Variants in FSHR observed in about 807,000 individuals in gnomAD.
The protein encoded by FSHR is follicle stimulating hormone receptor, also known as follicle-stimulating hormone receptor.
In FSHR, 46 loss-of-function variants were observed where a neutral mutation model predicts 52.1. That is an observed-to-expected ratio of 0.88 (90% CI 0.70 to 1.13). The LOEUF (loss-of-function observed/expected upper bound fraction) is 1.13, where lower values mean the gene tolerates loss of function less well. Ranked by LOEUF, FSHR falls within the 50% of genes most tolerant of loss-of-function variation. The probability of loss-of-function intolerance (pLI) is 0.00; values close to 1 mark genes in which losing one functional copy is unlikely to be tolerated. For synonymous variants in FSHR, 399 were observed against 309.6 expected (o/e 1.29, Z -3.03); for missense variants, 964 against 834.6 (o/e 1.16, Z -1.91).
intron 9 of FSHR, among the ~76,000 whole-genome samples, chr2:48,965,509 G>T (rs1010755502): frequency 6.6e-6 from 1 of 152,204 alleles, no homozygotes; most frequent in Non-Finnish European, 1.5e-5. Context: ...GTATAGAGGG[G>T]AGAAGAGGGG....
chr2:49,068,850 C>T (rs1368634760), intron 1 of FSHR, among the ~76,000 whole-genome samples: 1 of 152,070 alleles, frequency 6.6e-6, no homozygotes, highest in African/African-American at 2.4e-5. Context: ...CTCCAATATA[C>T]ACTAGGTCTG....
intron 1 of FSHR, among the ~76,000 whole-genome samples, chr2:49,092,263 T>C (rs11689334): frequency 0.15 from 22,204 of 152,208 alleles, 1,653 homozygotes; most frequent in East Asian, 0.24. Flanking sequence ...TAAGAGCGTT[T>C]TTTTGGAGAC....
At chr2:49,036,268 G>A (rs527738567) in intron 2 of FSHR, among the ~76,000 whole-genome samples, 24 of 151,922 alleles carry the variant, frequency 1.6e-4, no homozygotes, top group African/African-American at 5.6e-4. Context: ...TCCTCTTTTG[G>A]GGTCTGAAAT....
intron 6 of FSHR, among the ~76,000 whole-genome samples, chr2:48,985,104 AGATGATGACGATGATGAC>A (rs3082692): frequency 2.0e-5 from 3 of 150,966 alleles, no homozygotes; most frequent in Non-Finnish European, 3.0e-5. Context: ...TTTGAAAACC[AGATGATGACGATGATGAC>A]GATGATGACG....
chr2:49,124,687 C>T (rs1671939613), intron 1 of FSHR, among the ~76,000 whole-genome samples: 2 of 152,204 alleles, frequency 1.3e-5, no homozygotes, highest in Non-Finnish European at 2.9e-5. Flanking sequence ...CCCTTCTCAT[C>T]ACCTTCTCTG....
chr2:49,055,085 TAAGG>T (rs1558414041), intron 2 of FSHR, among the ~76,000 whole-genome samples: 1 of 151,668 alleles, frequency 6.6e-6, no homozygotes, highest in Non-Finnish European at 1.5e-5. Context: ...AAATAATAAT[TAAGG>T]AAACTCAGTG....
chr2:49,095,699 A>G (rs1214365855), intron 1 of FSHR, among the ~76,000 whole-genome samples: 1 of 152,176 alleles, frequency 6.6e-6, no homozygotes, highest in East Asian at 1.9e-4. Context: ...CCACAAAATA[A>G]AATATTTGCA....
intron 4 of FSHR, chr2:48,997,439 C>T (rs72825283): frequency 0.016 from 14,912 of 961,340 alleles, 145 homozygotes; most frequent in Non-Finnish European, 0.017. Flanking sequence ...AGATTCTGTT[C>T]GGACCTAGCA....
rs560931582 is a variant in FSHR, at chr2:49,076,227, G to C, written c.153-7937C>G. 3.3e-5 allele frequency among the ~76,000 whole-genome samples: 5 copies of C among 152,250 alleles called. No homozygotes were observed. In the East Asian group the frequency reaches 9.7e-4, roughly 29 times the overall value. On this transcript the variant is annotated intron_variant, in intron 1 of 9. Coordinates refer to ENST00000406846, the MANE Select transcript of FSHR (RefSeq NM_000145.4). Reference sequence around the variant, plus strand: ...TGCTGATAAAGACATACTCAAGACTGGGCAAATTACAAAAGAAAGAGGTTT... The same window carrying C: ...TGCTGATAAAGACATACTCAAGACTCGGCAAATTACAAAAGAAAGAGGTTT...
intron 1 of FSHR, among the ~76,000 whole-genome samples, chr2:49,141,646 AC>A (rs1354479281): frequency 6.6e-6 from 1 of 152,078 alleles, no homozygotes; most frequent in African/African-American, 2.4e-5. Flanking sequence ...TATGTCGCCA[AC>A]CCTGACTGGG....
At chr2:49,073,656 A>G (rs1325768051) in intron 1 of FSHR, among the ~76,000 whole-genome samples, 3 of 152,152 alleles carry the variant, frequency 2.0e-5, no homozygotes, top group Non-Finnish European at 4.4e-5. Context: ...ATCCCTATCA[A>G]AATGGCAATG....
chr2:49,004,068 A>T (rs1380290196), intron 4 of FSHR, among the ~76,000 whole-genome samples: 2 of 152,194 alleles, frequency 1.3e-5, no homozygotes, highest in African/African-American at 4.8e-5. Flanking sequence ...ATGTCTCTTC[A>T]GTTTCCACTG....
At chr2:49,072,274 A>G (rs903240465) in intron 1 of FSHR, among the ~76,000 whole-genome samples, 2 of 152,182 alleles carry the variant, frequency 1.3e-5, no homozygotes, top group African/African-American at 4.8e-5. Flanking sequence ...CTTTTAAGTC[A>G]TACATGGGTC....
chr2:49,006,152 G>A (rs1289939662), intron 4 of FSHR, among the ~76,000 whole-genome samples: 4 of 152,048 alleles, frequency 2.6e-5, no homozygotes, highest in African/African-American at 4.8e-5. Context: ...TTGTGATTGT[G>A]TGAGTTAATA....
chr2:49,151,480 T>C (rs563957863), intron 1 of FSHR, among the ~76,000 whole-genome samples: 2 of 152,262 alleles, frequency 1.3e-5, no homozygotes, highest in African/African-American at 2.4e-5. Context: ...AATATCAGCA[T>C]GTGCAGATCA....
chr2:49,154,160 C>T, intron 1 of FSHR, 106 bp downstream of exon 1: 3 of 1,251,140 alleles, frequency 2.4e-6, no homozygotes, highest in African/African-American at 1.5e-5. Flanking sequence ...GGTCAAGGGG[C>T]AGAAATATTT....
intron 4 of FSHR, among the ~76,000 whole-genome samples, chr2:49,010,712 T>C (rs868070275): frequency 0.014 from 2,167 of 152,122 alleles, 43 homozygotes; most frequent in African/African-American, 0.045. Context: ...CAGATCCTGT[T>C]ATTGGTCTAT....
intron 1 of FSHR, among the ~76,000 whole-genome samples, chr2:49,144,547 T>C (rs1358571184): frequency 1.3e-5 from 2 of 152,182 alleles, no homozygotes; most frequent in Non-Finnish European, 2.9e-5. Flanking sequence ...TCTTTGCTGT[T>C]CATCATAATT....
At chr2:49,119,800 T>G (rs1015637707) in intron 1 of FSHR, among the ~76,000 whole-genome samples, 3 of 152,202 alleles carry the variant, frequency 2.0e-5, no homozygotes, top group African/African-American at 7.2e-5. Context: ...GATTTCACAC[T>G]TAGAGCTGTG....
Sources: gnomAD v4.1 joint callset for allele counts (sites outside exome capture counted in the v4.1 genomes callset) on GRCh38, gnomAD v4.1.1 for gene constraint, MANE v1.5 for transcripts, NCBI Gene and HGNC (gene_info 2026-07-23, HGNC 2026-07-21) for gene names.